FRMD5: variants seen among roughly 807,000 people sequenced by gnomAD.
The protein encoded by FRMD5 is FERM domain-containing protein 5.
In FRMD5, 20 loss-of-function variants were observed where a neutral mutation model predicts 69.0. That is an observed-to-expected ratio of 0.29 (90% CI 0.20 to 0.42). The LOEUF is 0.42. Ranked by LOEUF, FRMD5 falls within the 10% of genes least tolerant of loss-of-function variation. FRMD5 has a pLI of 1.00. For missense variants in FRMD5, 595 were observed against 708.6 expected (o/e 0.84, Z 1.82); for synonymous variants, 271 against 260.1 (o/e 1.04, Z -0.40).
chr15:43,888,273 A>G lies in FRMD5; in HGVS notation c.793-7T>C, dbSNP rs1018570860. ...TAAGAATAATTTTCTTTTCCTGCAA[A>G]AAATTCCACATTGATATGGCTGAGT... is the stretch of plus-strand genomic sequence containing the variant. On this transcript the variant is annotated splice_region_variant and splice_polypyrimidine_tract_variant and intron_variant, in intron 9 of 13. Coordinates refer to ENST00000417257, the MANE Select transcript of FRMD5 (RefSeq NM_032892.5). 2 of 1,595,996 alleles carry G rather than the reference A, an allele frequency of 1.3e-6. No individual in the cohort carries two copies. The highest frequency in any genetic ancestry group is 1.7e-6 in the Non-Finnish European group (2 of 1,163,568).
intron 1 of FRMD5, among the ~76,000 whole-genome samples, chr15:44,142,566 G>GA (rs2077289533): frequency 6.6e-6 from 1 of 152,044 alleles, no homozygotes; most frequent in South Asian, 2.1e-4. Context: ...TATAACTATT[G>GA]AAAAAACATG....
intron 1 of FRMD5, among the ~76,000 whole-genome samples, chr15:44,116,769 C>T (rs1386753588): frequency 1.3e-5 from 2 of 152,022 alleles, no homozygotes; most frequent in Non-Finnish European, 2.9e-5. Flanking sequence ...TTCATGTAAC[C>T]TTACAAAATT....
chr15:43,967,272 G>A (rs1032381197), intron 1 of FRMD5, among the ~76,000 whole-genome samples: 134 of 150,396 alleles, frequency 8.9e-4, no homozygotes, highest in African/African-American at 3.1e-3. Context: ...TCGCTCTGTC[G>A]CCCAGGCTGG....
At chr15:44,121,839 A>G (rs575880455) in intron 1 of FRMD5, among the ~76,000 whole-genome samples, 28 of 151,964 alleles carry the variant, frequency 1.8e-4, no homozygotes, top group African/African-American at 6.8e-4. Flanking sequence ...TAACTAAAAT[A>G]CAAAAATTAG....
chr15:43,952,451 TG>T (rs942670880), intron 1 of FRMD5, among the ~76,000 whole-genome samples: 3 of 152,180 alleles, frequency 2.0e-5, no homozygotes, highest in Admixed American at 1.3e-4. Flanking sequence ...AAGAAGGGAA[TG>T]AAATCTCCTT....
At chr15:44,057,065 T>C (rs1325536552) in intron 1 of FRMD5, among the ~76,000 whole-genome samples, 5 of 151,924 alleles carry the variant, frequency 3.3e-5, no homozygotes, top group African/African-American at 9.7e-5. Flanking sequence ...CCTTTGATAA[T>C]GGGAAACAAG....
intron 1 of FRMD5, among the ~76,000 whole-genome samples, chr15:43,966,994 A>G (rs1159114146): frequency 6.6e-6 from 1 of 152,088 alleles, no homozygotes; most frequent in African/African-American, 2.4e-5. Context: ...GAAAAGGAAG[A>G]TATTTCAGTT....
At chr15:44,135,982 G>C (rs773377545) in intron 1 of FRMD5, among the ~76,000 whole-genome samples, 1 of 152,032 alleles carries the variant, frequency 6.6e-6, no homozygotes, top group Non-Finnish European at 1.5e-5. Context: ...GTCGCAGTAA[G>C]TAATGCCAGG....
At chr15:44,029,850 C>T (rs1430498746) in intron 1 of FRMD5, among the ~76,000 whole-genome samples, 4 of 152,194 alleles carry the variant, frequency 2.6e-5, no homozygotes. Flanking sequence ...TGATGCATGG[C>T]CACAGCATTC....
At chr15:43,943,874 T>C (rs1595543690) in intron 1 of FRMD5, among the ~76,000 whole-genome samples, 1 of 152,218 alleles carries the variant, frequency 6.6e-6, no homozygotes, top group Admixed American at 6.5e-5. Context: ...ATGGCAGCCC[T>C]AGAAAATGAA....
intron 1 of FRMD5, among the ~76,000 whole-genome samples, chr15:43,991,403 A>C (rs1186222804): frequency 6.6e-6 from 1 of 152,222 alleles, no homozygotes; most frequent in African/African-American, 2.4e-5. Context: ...GCATCGGTGC[A>C]TCCATACACA....
chr15:44,040,383 ATGAAGGAAAAAATGT>A (rs946786852), intron 1 of FRMD5, among the ~76,000 whole-genome samples: 22 of 152,196 alleles, frequency 1.4e-4, no homozygotes, highest in African/African-American at 5.1e-4. Flanking sequence ...CAGGGTTGAA[ATGAAGGAAAAAATGT>A]TAAGGGAAGC....
intron 1 of FRMD5, among the ~76,000 whole-genome samples, chr15:44,026,859 T>C (rs1891449493): frequency 6.6e-6 from 1 of 152,252 alleles, no homozygotes; most frequent in Admixed American, 6.5e-5. Flanking sequence ...TTAGCTAAAA[T>C]GATCACTGTG....
At chr15:44,047,520 T>C (rs899872575) in intron 1 of FRMD5, among the ~76,000 whole-genome samples, 2 of 152,200 alleles carry the variant, frequency 1.3e-5, no homozygotes, top group African/African-American at 2.4e-5. Context: ...GATCAATAAA[T>C]TTTATAATAC....
At chr15:43,914,238 G>C (rs1320260768) in intron 4 of FRMD5, among the ~76,000 whole-genome samples, 2 of 152,188 alleles carry the variant, frequency 1.3e-5, no homozygotes, top group African/African-American at 4.8e-5. Context: ...ACTCTGGAAA[G>C]CACTGGAGGC....
chr15:44,079,627 T>C (rs1016622706), intron 1 of FRMD5, among the ~76,000 whole-genome samples: 1 of 152,130 alleles, frequency 6.6e-6, no homozygotes, highest in Non-Finnish European at 1.5e-5. Flanking sequence ...CCAAAAGAAC[T>C]GAAAGCAGGG....
chr15:43,996,742 C>T (rs1282050871), intron 1 of FRMD5, among the ~76,000 whole-genome samples: 15 of 53,558 alleles, frequency 2.8e-4, no homozygotes, highest in East Asian at 1.3e-3. Context: ...TTTTTGTATA[C>T]CAGTTTGAGA....
chr15:43,925,193 C>T (rs1262539974), intron 1 of FRMD5, among the ~76,000 whole-genome samples: 5 of 151,930 alleles, frequency 3.3e-5, no homozygotes, highest in Non-Finnish European at 5.9e-5. Flanking sequence ...TTAGTAGACA[C>T]GGGGTTTCAC....
At chr15:44,177,245 G>A (rs999239611) in intron 1 of FRMD5, among the ~76,000 whole-genome samples, 2 of 152,038 alleles carry the variant, frequency 1.3e-5, no homozygotes, top group Non-Finnish European at 2.9e-5. Context: ...CAAGAGAAAG[G>A]AAAACATGTC....
Sources: gnomAD v4.1 joint callset for allele counts (sites outside exome capture counted in the v4.1 genomes callset) on GRCh38, gnomAD v4.1.1 for gene constraint, MANE v1.5 for transcripts, NCBI Gene and HGNC (gene_info 2026-07-23, HGNC 2026-07-21) for gene names.